JKAMP: variants seen among roughly 807,000 people sequenced by gnomAD.
The protein encoded by JKAMP is JNK1/MAPK8-associated membrane protein.
Under a neutral mutation model 40.2 loss-of-function variants are expected in JKAMP, and 20 were observed. The observed-to-expected ratio is 0.50, with a 90% CI of 0.35 to 0.72. The LOEUF is 0.72. Ranked by LOEUF, JKAMP falls within the 30% of genes least tolerant of loss-of-function variation. JKAMP has a pLI of 0.01. For synonymous variants in JKAMP, 138 were observed against 131.6 expected, an observed-to-expected ratio of 1.05 and a Z score of -0.33; for missense variants, 276 against 373.0, an observed-to-expected ratio of 0.74 and a Z score of 2.14.
rs142040030 is a variant in JKAMP, at chr14:59,488,200, T to C, written c.251+372T>C. Among the ~76,000 whole-genome samples, 1,405 of 152,072 alleles carry C rather than the reference T, an allele frequency of 9.2e-3. 23 individuals carry two copies. The highest frequency in any genetic ancestry group is 0.031 in the African/African-American group (1,276 of 41,452). On this transcript the variant is annotated intron_variant, in intron 3 of 6. Transcript: ENST00000616435. ...TAGTATGATGTAGTTAAAAATGATA[T>C]AGCTGTAACCTAATACAAAAACTCA...
At chr14:59,498,576 T>C (rs1365539146) in intron 4 of JKAMP, 151 bp from the exon 5 acceptor site, 1 of 504,480 alleles carries the variant, frequency 2.0e-6, no homozygotes, top group Non-Finnish European at 3.4e-6. Flanking sequence ...TGACAGCCTG[T>C]TTGGCCAGCT....
rs558911720 is a variant in JKAMP, at chr14:59,498,499, T to G, written c.459-228T>G. 1.6e-4 allele frequency among the ~76,000 whole-genome samples: 25 copies of G among 152,338 alleles called. No homozygotes were observed. The Middle Eastern group carries it at 0.01, about 62-fold the overall frequency. On this transcript the variant is annotated intron_variant, in intron 4 of 6. Coordinates refer to ENST00000616435, the MANE Select transcript of JKAMP (RefSeq NM_016475.5). ...CTGAATCAAAAGGGATAAACAGTTT[T>G]AGGATTTTTGGTACATATTTCCAGA...
Position 59,494,881 on chromosome 14 carries a change from A to C in JKAMP, c.252-137A>C, listed in dbSNP as rs999709332. Reference sequence around the variant, plus strand: ...ACAGTGTTATTTATCCCTTTTGAGAAAAAAAGGTTATACTCGAGTAGTTTT... The same window carrying C: ...ACAGTGTTATTTATCCCTTTTGAGACAAAAAGGTTATACTCGAGTAGTTTT... On this transcript the variant is annotated intron_variant, in intron 3 of 6. Coordinates refer to ENST00000616435, the MANE Select transcript of JKAMP (RefSeq NM_016475.5). 8 of 636,656 alleles carry C rather than the reference A, an allele frequency of 1.3e-5. No individual in the cohort carries two copies. The African/African-American group carries it at 1.5e-4, about 12-fold the overall frequency. The allele number at this position is 636,656 out of a possible 1,614,324, so 39.4% of individuals were successfully genotyped here.
chr14:59,486,512 C>G (rs1223525398), intron 1 of JKAMP, among the ~76,000 whole-genome samples: 4 of 152,228 alleles, frequency 2.6e-5, no homozygotes, highest in African/African-American at 9.7e-5. Flanking sequence ...ACGGTATTAA[C>G]AGCAAGGTTC....
intron 3 of JKAMP, among the ~76,000 whole-genome samples, chr14:59,491,992 A>T (rs1891051628): frequency 6.6e-6 from 1 of 152,238 alleles, no homozygotes; most frequent in Admixed American, 6.5e-5. Context: ...CTTGCTCATT[A>T]AAATCTAGTA....
intron 6 of JKAMP, among the ~76,000 whole-genome samples, chr14:59,503,605 G>C (rs1182242545): frequency 6.6e-6 from 1 of 152,180 alleles, no homozygotes; most frequent in African/African-American, 2.4e-5. Context: ...TAGGACTTAA[G>C]AGACATGATG....
intron 6 of JKAMP, among the ~76,000 whole-genome samples, chr14:59,502,870 G>A (rs1409227115): frequency 2.0e-5 from 3 of 147,108 alleles, no homozygotes; most frequent in Non-Finnish European, 4.5e-5. Context: ...TCCTGCCTCA[G>A]CTTCCTGAGT....
chr14:59,487,922 T>TA (rs1890703307), intron 3 of JKAMP, 94 bp downstream of exon 3: 13 of 1,141,308 alleles, frequency 1.1e-5, no homozygotes, highest in Non-Finnish European at 1.7e-5. Flanking sequence ...TCTTCTGTTT[T>TA]AAAAGTGGTA....
At chr14:59,484,637 G>A (rs762254393) in intron 1 of JKAMP, 44 bp downstream of exon 1, 12 of 1,570,106 alleles carry the variant, frequency 7.6e-6, no homozygotes, top group South Asian at 1.2e-5. Flanking sequence ...TGGTAGTCCC[G>A]ACTACTTTCC....
At position 59,501,269 on chromosome 14, in the gene JKAMP, TAG is replaced by T; in HGVS notation, c.717+3_717+4del. 6.4e-7 allele frequency: 1 copy of T among 1,573,944 alleles called. No individual in the cohort carries two copies. On this transcript the variant is annotated splice_donor_region_variant and intron_variant, in intron 6 of 6. Coordinates refer to ENST00000616435, the MANE Select transcript of JKAMP (RefSeq NM_016475.5). ...TACATGTCTGCTTCTGAAATAGAGG[TAG>T]GAAGTCTTTTTTTCCTTTGTTAAAG...
chr14:59,499,646 G>T (rs1267847753), intron 5 of JKAMP, among the ~76,000 whole-genome samples: 2 of 152,116 alleles, frequency 1.3e-5, no homozygotes, highest in African/African-American at 4.8e-5. Context: ...ATGTGACATT[G>T]AACGTCCCAA....
intron 3 of JKAMP, among the ~76,000 whole-genome samples, chr14:59,488,580 A>G (rs1890757940): frequency 6.6e-6 from 1 of 152,178 alleles, no homozygotes; most frequent in African/African-American, 2.4e-5. Context: ...GTGGGTTGCA[A>G]ATGAAGAAAA....
In JKAMP at chr14:59,485,012, G is replaced by C. The variant is rs557141638; in HGVS notation, c.4+419G>C. 8.8e-6 allele frequency: 14 copies of C among 1,597,134 alleles called. No homozygotes were observed. The East Asian group carries it at 2.9e-4, about 33-fold the overall frequency. ...TAGATTTATAGCGCCCGTCACAAAG[G>C]GCAGGACCGCTGCAAAAAAATGGAA... On this transcript the variant is annotated intron_variant, in intron 1 of 6. Coordinates refer to ENST00000616435, the MANE Select transcript of JKAMP (RefSeq NM_016475.5).
chr14:59,490,726 C>T (rs1406082203), intron 3 of JKAMP, among the ~76,000 whole-genome samples: 1 of 152,008 alleles, frequency 6.6e-6, no homozygotes, highest in African/African-American at 2.4e-5. Flanking sequence ...AGCTTTCATC[C>T]AGTTTTTAAT....
chr14:59,505,199 G>T lies in JKAMP; in HGVS notation c.*1127G>T. The T allele has an allele frequency of 9.3e-7, 1 of 1,077,188 alleles. No individual in the cohort carries two copies. Among genetic ancestry groups the T allele is most frequent in the Non-Finnish European group, 1.3e-6 (1 of 765,218 alleles). The allele number at this position is 1,077,188 out of a possible 1,614,324, so 66.7% of individuals were successfully genotyped here. A position where few individuals can be genotyped will look rare whatever the true frequency, so the allele number is the denominator to read the frequency against. ...AGTAAGTGCACTCACTTTTCCTGTA[G>T]TAGTCTGTCTTTTGAATTCACAGCA... On this transcript the variant is annotated 3_prime_UTR_variant, in exon 7 of 7. Transcript: ENST00000616435.
In JKAMP at chr14:59,487,732, C is replaced by A; in HGVS notation, c.155C>A (p.Ser52Tyr). The A allele has an allele frequency of 1.2e-6, 2 of 1,613,234 alleles. No homozygotes were observed. Among genetic ancestry groups the A allele is most frequent in the Non-Finnish European group, 1.7e-6 (2 of 1,179,322 alleles). The change falls in exon 3 of 7, where the codon TCT becomes TAT. Residue 52 changes from serine (S) to tyrosine (Y), a missense_variant. Transcript: ENST00000616435. ...AQKYCQPCTE[S>Y]PELYDWLYLG... ...AAATATTGTCAGCCTTGCACAGAAT[C>A]TCCTGAACTTTATGATTGGCTCTAT...
chr14:59,487,976 GA>G (rs1890708189), intron 3 of JKAMP, 148 bp downstream of exon 3: 1 of 792,018 alleles, frequency 1.3e-6, no homozygotes, highest in Admixed American at 2.4e-5. Flanking sequence ...ACTGTGACAA[GA>G]AAACTTAACA....
At chr14:59,484,691 G>A in intron 1 of JKAMP, 98 bp downstream of exon 1, 1 of 1,433,598 alleles carries the variant, frequency 7.0e-7, no homozygotes, top group South Asian at 1.2e-5. Context: ...GCGGCCTTCG[G>A]TTGGCGGCGC....
chr14:59,500,513 A>C (rs774712507), intron 5 of JKAMP, among the ~76,000 whole-genome samples: 21 of 152,234 alleles, frequency 1.4e-4, no homozygotes, highest in Non-Finnish European at 2.4e-4. Context: ...TAAAGTAGAG[A>C]TTGCAGGAAT....
Sources: allele counts gnomAD v4.1 joint callset (sites outside exome capture counted in the v4.1 genomes callset), GRCh38; gene constraint gnomAD v4.1.1; transcripts MANE v1.5; gene names NCBI Gene and HGNC (gene_info 2026-07-23, HGNC 2026-07-21).